TAOK1: variants seen among roughly 807,000 people sequenced by gnomAD.
The protein encoded by TAOK1 is serine/threonine-protein kinase TAO1.
In TAOK1, 21 loss-of-function variants were observed where a neutral mutation model predicts 138.3. The observed-to-expected ratio is 0.15, with a 90% CI of 0.11 to 0.22. The LOEUF (loss-of-function observed/expected upper bound fraction) is 0.22, where lower values mean the gene tolerates loss of function less well. Among genes scored for constraint, TAOK1 ranks in the 10% least tolerant of loss-of-function variants. The probability of loss-of-function intolerance (pLI) is 1.00; values close to 1 mark genes in which losing one functional copy is unlikely to be tolerated. For synonymous variants in TAOK1, 361 were observed against 398.4 expected, an observed-to-expected ratio of 0.91 and a Z score of 1.12; for missense variants, 651 against 1,227.7, an observed-to-expected ratio of 0.53 and a Z score of 7.02.
chr17:29,512,084 A>C, intron 15 of TAOK1: 1 of 105,022 alleles, frequency 9.5e-6, no homozygotes, highest in Non-Finnish European at 1.8e-5. Context: ...CGGAAGTCTC[A>C]CTCTGTCATA....
At chr17:29,517,111 C>G (rs2031830940) in intron 15 of TAOK1, among the ~76,000 whole-genome samples, 1 of 152,060 alleles carries the variant, frequency 6.6e-6, no homozygotes, top group African/African-American at 2.4e-5. Context: ...CTCAGCCTCC[C>G]AAGTAGCTGG....
chr17:29,403,018 G>C (rs567242680), intron 1 of TAOK1, among the ~76,000 whole-genome samples: 9 of 151,476 alleles, frequency 5.9e-5, no homozygotes, highest in Non-Finnish European at 1.3e-4. Flanking sequence ...AAAATTAGCC[G>C]TGCATGGTGG....
chr17:29,475,630 A>G (rs1233326489), intron 3 of TAOK1, 40 bp from the exon 4 acceptor site: 1 of 1,325,674 alleles, frequency 7.5e-7, no homozygotes, highest in Non-Finnish European at 1.1e-6. Flanking sequence ...TTCTGAGGAA[A>G]AGTCCTGTTC....
intron 7 of TAOK1, among the ~76,000 whole-genome samples, chr17:29,481,262 T>C (rs60488520): frequency 1.3e-5 from 2 of 151,792 alleles, no homozygotes; most frequent in Non-Finnish European, 2.9e-5. Context: ...GGTGTGATCT[T>C]GGCTCACTGC....
chr17:29,431,038 G>GA (rs1184346161), intron 1 of TAOK1, among the ~76,000 whole-genome samples: 4 of 152,110 alleles, frequency 2.6e-5, no homozygotes, highest in African/African-American at 9.7e-5. Context: ...ATTTGCTGGA[G>GA]AAAAAACAAA....
intron 19 of TAOK1, 100 bp downstream of exon 19, chr17:29,534,400 C>A (rs2150774886): frequency 9.1e-7 from 1 of 1,095,856 alleles, no homozygotes; most frequent in East Asian, 3.0e-5. Flanking sequence ...CATTAGATTT[C>A]TTTCACAATA....
chr17:29,516,804 GT>G (rs1008062608), intron 15 of TAOK1, among the ~76,000 whole-genome samples: 4 of 150,880 alleles, frequency 2.7e-5, no homozygotes, highest in African/African-American at 9.7e-5. Context: ...CCCGACCCCT[GT>G]TTTTTTTGTT....
chr17:29,463,693 T>C (rs1412701083), intron 2 of TAOK1, among the ~76,000 whole-genome samples: 2 of 152,208 alleles, frequency 1.3e-5, no homozygotes, highest in Non-Finnish European at 2.9e-5. Context: ...CAAAGCCTTC[T>C]TAGATGGGAC....
At chr17:29,481,657 GAAA>G (rs2031065240) in intron 7 of TAOK1, among the ~76,000 whole-genome samples, 2 of 151,578 alleles carry the variant, frequency 1.3e-5, no homozygotes, top group Non-Finnish European at 2.9e-5. Flanking sequence ...GATGGATAGT[GAAA>G]ATAAATCTCA....
intron 8 of TAOK1, among the ~76,000 whole-genome samples, chr17:29,483,342 T>TG (rs199972830): frequency 0.017 from 2,574 of 152,110 alleles, 28 homozygotes; most frequent in Middle Eastern, 0.034. Flanking sequence ...CCTCCCGCAG[T>TG]GGGGGGATTT....
In TAOK1 at chr17:29,502,626, C is replaced by G. The variant is rs909871822; in HGVS notation, c.1241C>G (p.Thr414Arg). Residue 414 changes from threonine to arginine, a missense_variant, in exon 13 of 20, where the codon ACA becomes AGA. Physicochemically the swap from Thr to Arg is moderately conservative, Grantham distance 71 (BLOSUM62 -1). This residue lies in a region of TAOK1 where 104 missense variants were observed against 151.7 expected (regional missense o/e 0.69). Transcript: ENST00000261716. ...ENYREEGDPR[T>R]RASDPQSPPQ... The stretch of plus-strand genomic sequence containing the variant: ...TACAGAGAAGAGGGAGATCCTAGAA[C>G]AAGAGCATCAGATCCACAATCTCCA... The G allele has an allele frequency of 6.2e-7, 1 of 1,612,192 alleles. No homozygotes were observed. The highest frequency in any genetic ancestry group is 1.3e-5 in the African/African-American group (1 of 74,282).
At chr17:29,464,267 C>T (rs2030601306) in intron 2 of TAOK1, among the ~76,000 whole-genome samples, 1 of 149,988 alleles carries the variant, frequency 6.7e-6, no homozygotes, top group Non-Finnish European at 1.5e-5. Flanking sequence ...AACCCCGTCT[C>T]TACTAAAAAA....
intron 3 of TAOK1, among the ~76,000 whole-genome samples, chr17:29,474,009 T>G (rs1389590248): frequency 6.6e-6 from 1 of 152,102 alleles, no homozygotes; most frequent in Non-Finnish European, 1.5e-5. Flanking sequence ...TGGGATTGAT[T>G]ATAGGAGTGA....
At chr17:29,534,513 A>T (rs1425639850) in intron 19 of TAOK1, among the ~76,000 whole-genome samples, 1 of 152,234 alleles carries the variant, frequency 6.6e-6, no homozygotes, top group African/African-American at 2.4e-5. Context: ...AAGGGAATAT[A>T]ATTAAGTAGT....
At chr17:29,487,270 AAAAAAG>A (rs2031192505) in intron 8 of TAOK1, among the ~76,000 whole-genome samples, 1 of 133,750 alleles carries the variant, frequency 7.5e-6, no homozygotes, top group Non-Finnish European at 1.7e-5. Context: ...AAAAAAAAAA[AAAAAAG>A]TATTAAGGAT....
rs779664646 is a variant in TAOK1 at position 29,502,593 on chromosome 17, A to G, written c.1208A>G (p.Glu403Gly). 2.4e-5 allele frequency: 39 copies of G among 1,602,866 alleles called. No homozygotes were observed. The highest frequency in any genetic ancestry group is 3.1e-5 in the Non-Finnish European group (36 of 1,176,726). ...NSSVIHLKPEEENYREEGDPR... is the reference protein window; with the variant it reads ...NSSVIHLKPEGENYREEGDPR... ...GTCTTTTTTTTTTTTTCCTAGGAGG[A>G]AGAAAATTACAGAGAAGAGGGAGAT... The change falls in exon 13 of 20, where the codon GAA (glutamate) becomes GGA (glycine). Residue 403 changes from glutamate (E) to glycine (G), a missense_variant. Physicochemically the swap from Glu to Gly is moderately conservative, Grantham distance 98. Around this residue, in one of 8 missense-constraint regions of TAOK1, gnomAD observed 104 missense variants for 151.7 expected, o/e 0.69. Coordinates refer to ENST00000261716, the MANE Select transcript of TAOK1 (RefSeq NM_020791.4).
At chr17:29,531,690 G>A (rs969841340) in intron 18 of TAOK1, among the ~76,000 whole-genome samples, 2 of 151,464 alleles carry the variant, frequency 1.3e-5, no homozygotes, top group African/African-American at 4.8e-5. Context: ...CTGAACCCCG[G>A]GGGCAGAGGT....
intron 11 of TAOK1, among the ~76,000 whole-genome samples, chr17:29,497,154 T>C (rs1456215207): frequency 1.3e-5 from 2 of 152,202 alleles, no homozygotes; most frequent in Non-Finnish European, 2.9e-5. Flanking sequence ...CTTTGCCCCG[T>C]CAGAATTCAT....
chr17:29,488,949 T>C (rs2031237545), intron 8 of TAOK1, among the ~76,000 whole-genome samples: 1 of 152,110 alleles, frequency 6.6e-6, no homozygotes, highest in Non-Finnish European at 1.5e-5. Flanking sequence ...TTGGATAAAA[T>C]GAACAAATTC....
Sources: gnomAD v4.1 joint callset for allele counts (sites outside exome capture counted in the v4.1 genomes callset) on GRCh38, gnomAD v4.1.1 for gene constraint, gnomAD v4.1.1 regional missense constraint, MANE v1.5 for transcripts, NCBI Gene and HGNC (gene_info 2026-07-23, HGNC 2026-07-21) for gene names.